The following SELENOF variants were observed in gnomAD, a reference collection of about 807,000 sequenced individuals.
SELENOF encodes selenoprotein F.
SELENOF carries 16 observed loss-of-function variants against 20.5 expected under a neutral mutation model. The ratio of observed to expected loss-of-function variants is 0.78; its 90% CI spans 0.53 to 1.19. The LOEUF (loss-of-function observed/expected upper bound fraction) is 1.19, where lower values mean the gene tolerates loss of function less well. Ranked by LOEUF, SELENOF falls within the 50% of genes most tolerant of loss-of-function variation. SELENOF has a pLI of 0.00. For missense variants in SELENOF, 215 were observed against 194.2 expected, an observed-to-expected ratio of 1.11 and a Z score of -0.64; for synonymous variants, 78 against 74.5, an observed-to-expected ratio of 1.05 and a Z score of -0.24.
At chr1:86,914,434 C>CA, upstream of SELENOF, 8 of 413,036 alleles carry the variant, frequency 1.9e-5, no homozygotes, top group South Asian at 2.0e-4. Flanking sequence ...CAAGTTTACC[C>CA]AATTGAATGT....
chr1:86,863,448 A>G lies in SELENOF; in HGVS notation c.*26T>C. The G allele has an allele frequency of 1.3e-6, 2 of 1,594,200 alleles. No homozygotes were observed. Among genetic ancestry groups the G allele is most frequent in the Non-Finnish European group, 1.7e-6 (2 of 1,168,450 alleles). ...ATATTTCATTTGATAAGGTAACAAAAGGATAGGACAAAATTTAAGCAAGAT... is the reference window on the plus strand; with the variant it reads ...ATATTTCATTTGATAAGGTAACAAAGGGATAGGACAAAATTTAAGCAAGAT... On this transcript the variant is annotated 3_prime_UTR_variant, in exon 5 of 5. Coordinates refer to ENST00000331835, the MANE Select transcript of SELENOF (RefSeq NM_004261.5).
rs1660010186 is a variant in SELENOF at position 86,912,478 on chromosome 1, TC to T, written c.84+1549del. Among the ~76,000 whole-genome samples the T allele has an allele frequency of 2.6e-5, 4 of 152,314 alleles. No homozygotes were observed. In the South Asian group the frequency reaches 8.3e-4, roughly 32 times the overall value. On this transcript the variant is annotated intron_variant, in intron 1 of 4. Coordinates refer to ENST00000331835, the MANE Select transcript of SELENOF (RefSeq NM_004261.5). ...TCATTCCTCCCATGTAGAGATGAAATCTATTTCTCCATCCCTGAATGTGAAC... is the reference window on the plus strand; with the variant it reads ...TCATTCCTCCCATGTAGAGATGAAATTATTTCTCCATCCCTGAATGTGAAC...
intron 3 of SELENOF, among the ~76,000 whole-genome samples, chr1:86,868,919 A>T (rs1658681653): frequency 6.6e-6 from 1 of 152,172 alleles, no homozygotes; most frequent in Non-Finnish European, 1.5e-5. Context: ...CTAATATATA[A>T]AAGGGCTCTT....
intron 2 of SELENOF, among the ~76,000 whole-genome samples, chr1:86,899,336 G>A (rs1316133675): frequency 1.5e-5 from 2 of 137,508 alleles, no homozygotes; most frequent in African/African-American, 2.9e-5. Flanking sequence ...CGGGCAGAGG[G>A]GCTCCTCACT....
intron 2 of SELENOF, among the ~76,000 whole-genome samples, chr1:86,900,321 A>T (rs1659660753): frequency 1.3e-5 from 2 of 152,060 alleles, no homozygotes; most frequent in Admixed American, 6.5e-5. Context: ...TGAACCAGAC[A>T]CCGTCTGCAA....
intron 2 of SELENOF, among the ~76,000 whole-genome samples, chr1:86,899,416 C>T (rs190679486): frequency 0.041 from 4,608 of 112,562 alleles, 702 homozygotes; most frequent in African/African-American, 0.16. Flanking sequence ...GGCAGGGGGC[C>T]GACCCCCCCC....
chr1:86,892,971 A>AATAG (rs1386027330), intron 2 of SELENOF, among the ~76,000 whole-genome samples: 1 of 151,246 alleles, frequency 6.6e-6, no homozygotes, highest in East Asian at 1.9e-4. Flanking sequence ...AGCAGGTCTT[A>AATAG]CTATTAACAT....
chr1:86,907,793 G>C (rs1288265605), intron 1 of SELENOF, among the ~76,000 whole-genome samples: 3 of 152,004 alleles, frequency 2.0e-5, no homozygotes, highest in Admixed American at 6.6e-5. Context: ...AGACCAGCCT[G>C]GCCAACATGG....
Position 86,863,616 on chromosome 1 carries a change from G to A in SELENOF, c.367-11C>T. The A allele has an allele frequency of 6.2e-7, 1 of 1,609,686 alleles. No individual in the cohort carries two copies. The highest frequency in any genetic ancestry group is 1.3e-5 in the African/African-American group (1 of 74,914). The stretch of plus-strand genomic sequence containing the variant: ...TGAACCACGGACATACTACAAAAAA[G>A]AGGGACGTCATCATTACTTTCTGTT... On this transcript the variant is annotated splice_polypyrimidine_tract_variant and intron_variant, in intron 4 of 4. Coordinates refer to ENST00000331835, the MANE Select transcript of SELENOF (RefSeq NM_004261.5).
At chr1:86,898,945 T>G (rs2102117960) in intron 2 of SELENOF, among the ~76,000 whole-genome samples, 1 of 151,910 alleles carries the variant, frequency 6.6e-6, no homozygotes, top group Non-Finnish European at 1.5e-5. Context: ...TCCGCAGTGT[T>G]TGTGTCCCTG....
At chr1:86,874,249 G>A (rs1159952745) in intron 3 of SELENOF, among the ~76,000 whole-genome samples, 6 of 152,046 alleles carry the variant, frequency 3.9e-5, no homozygotes, top group South Asian at 2.1e-4. Flanking sequence ...GAATACAGGC[G>A]TAAGCCACCT....
At chr1:86,871,438 G>T (rs547800257) in intron 3 of SELENOF, among the ~76,000 whole-genome samples, 1 of 152,088 alleles carries the variant, frequency 6.6e-6, no homozygotes, top group Non-Finnish European at 1.5e-5. Context: ...GGATTCAAAA[G>T]AATTTTCTCT....
chr1:86,863,818 C>T (rs888319313), intron 4 of SELENOF, among the ~76,000 whole-genome samples: 18 of 152,082 alleles, frequency 1.2e-4, no homozygotes. Flanking sequence ...CTCATTCATT[C>T]ATTCATTCAT....
intron 3 of SELENOF, among the ~76,000 whole-genome samples, chr1:86,876,146 T>A (rs1403094683): frequency 6.6e-6 from 1 of 151,244 alleles, no homozygotes; most frequent in African/African-American, 2.4e-5. Flanking sequence ...TCCTTTTGGA[T>A]AAAGATGTTA....
intron 1 of SELENOF, among the ~76,000 whole-genome samples, chr1:86,904,791 G>A (rs113299078): frequency 0.02 from 3,017 of 152,130 alleles, 106 homozygotes; most frequent in African/African-American, 0.062. Context: ...CAACTACCCC[G>A]TCCAAAGGCC....
intron 2 of SELENOF, among the ~76,000 whole-genome samples, chr1:86,888,821 G>A (rs1659300588): frequency 6.6e-6 from 1 of 152,024 alleles, no homozygotes; most frequent in Admixed American, 6.6e-5. Flanking sequence ...GCGCCACCAC[G>A]CCTGGCTAAT....
chr1:86,876,509 TTA>T (rs1398969652), intron 3 of SELENOF, among the ~76,000 whole-genome samples: 1 of 152,192 alleles, frequency 6.6e-6, no homozygotes, highest in Admixed American at 6.5e-5. Flanking sequence ...CAGGTGATTC[TTA>T]TATGTATATT....
At chr1:86,897,629 C>T (rs541549609) in intron 2 of SELENOF, among the ~76,000 whole-genome samples, 6 of 152,192 alleles carry the variant, frequency 3.9e-5, no homozygotes, top group Non-Finnish European at 7.3e-5. Flanking sequence ...CTTTCCAATA[C>T]ACCATTCTAC....
At chr1:86,880,603 T>C (rs1659042886) in intron 3 of SELENOF, 59 bp downstream of exon 3, 1 of 924,330 alleles carries the variant, frequency 1.1e-6, no homozygotes, top group South Asian at 1.7e-5. Context: ...GTGAAAACGA[T>C]TCACATAAAA....
Sources: allele counts gnomAD v4.1 joint callset (sites outside exome capture counted in the v4.1 genomes callset), GRCh38; gene constraint gnomAD v4.1.1; transcripts MANE v1.5; gene names NCBI Gene and HGNC (gene_info 2026-07-23, HGNC 2026-07-21).